Variants in KLHL28 observed in about 807,000 individuals in gnomAD.
KLHL28 encodes the protein kelch-like protein 28.
In KLHL28, 22 loss-of-function variants were observed where a neutral mutation model predicts 48.3. The observed-to-expected ratio is 0.46, with a 90% CI of 0.33 to 0.65. The LOEUF (loss-of-function observed/expected upper bound fraction) is 0.65. KLHL28 is among the 30% of genes least tolerant of loss of function. The pLI is 0.03. For missense variants in KLHL28, 527 were observed against 704.3 expected (o/e 0.75, Z 2.85); for synonymous variants, 243 against 242.4 (o/e 1.00, Z -0.02).
chr14:44,945,580 T>C lies in KLHL28; in HGVS notation c.349A>G (p.Ile117Val). 6.2e-7 allele frequency: 1 copy of C among 1,614,208 alleles called. No individual in the cohort carries two copies. The highest frequency in any genetic ancestry group is 1.1e-5 in the South Asian group (1 of 91,084). Residue 117 changes from isoleucine to valine, a missense_variant, in exon 2 of 5, where the codon ATA becomes GTA. Ile to Val is a conservative substitution (Grantham distance 29). Coordinates refer to ENST00000396128, the MANE Select transcript of KLHL28 (RefSeq NM_017658.5). ...CAACATTCTTTCAGGACAAGTTTTA[T>C]CTGGAGTAGGTTTGCTGCTGGCAGG... Reference protein sequence around the residue: ...SLLPAANLLQIKLVLKECCAF... With the variant: ...SLLPAANLLQVKLVLKECCAF...
intron 1 of KLHL28, among the ~76,000 whole-genome samples, chr14:44,954,149 G>C (rs974240749): frequency 1.3e-5 from 2 of 152,178 alleles, no homozygotes; most frequent in African/African-American, 4.8e-5. Flanking sequence ...TGGTGAGGAT[G>C]TGAGAAACAG....
intron 2 of KLHL28, among the ~76,000 whole-genome samples, chr14:44,940,227 G>A (rs977896314): frequency 2.0e-5 from 3 of 152,180 alleles, no homozygotes; most frequent in African/African-American, 7.2e-5. Flanking sequence ...TGAGAGCAGA[G>A]CCCTCATGGC....
At chr14:44,941,169 A>C (rs1446327987) in intron 2 of KLHL28, among the ~76,000 whole-genome samples, 2 of 152,102 alleles carry the variant, frequency 1.3e-5, no homozygotes, top group African/African-American at 4.8e-5. Flanking sequence ...AACAAAATAA[A>C]ACCAAACAAA....
At position 44,945,465 on chromosome 14, in the gene KLHL28, GC is replaced by G; in HGVS notation, c.463del (p.Ala155GlnfsTer36). On this transcript the variant is annotated frameshift_variant, in exon 2 of 5. Coordinates refer to ENST00000396128, the MANE Select transcript of KLHL28 (RefSeq NM_017658.5). LOFTEE classifies it high-confidence loss of function. ...ATTCTGGCATATGTATTTAGTGGCT[GC>G]CAAATAAAGGTCACGGCAACCATAT... ...ETYGCRDLYL[A>X]ATKYICQNFE... 1 of 1,614,184 alleles carries G rather than the reference GC, an allele frequency of 6.2e-7. No individual in the cohort carries two copies. Among genetic ancestry groups the G allele is most frequent in the Non-Finnish European group, 8.5e-7 (1 of 1,180,020 alleles).
intron 1 of KLHL28, among the ~76,000 whole-genome samples, chr14:44,952,033 A>AT (rs1376027737): frequency 4.0e-5 from 6 of 151,658 alleles, no homozygotes; most frequent in South Asian, 4.2e-4. Flanking sequence ...TAGTTTTTGT[A>AT]TTTTTTTTGT....
At chr14:44,942,135 T>G (rs1256730069) in intron 2 of KLHL28, among the ~76,000 whole-genome samples, 2 of 152,180 alleles carry the variant, frequency 1.3e-5, no homozygotes, top group Non-Finnish European at 2.9e-5. Flanking sequence ...TCCAAAACTC[T>G]TCCCCTGAAA....
In KLHL28 at chr14:44,945,099, C is replaced by A; in HGVS notation, c.830G>T (p.Arg277Leu). The A allele has an allele frequency of 6.2e-7, 1 of 1,613,994 alleles. No individual in the cohort carries two copies. The highest frequency in any genetic ancestry group is 1.1e-5 in the South Asian group (1 of 91,062). ...RLSHQTVLMT[R>L]PRCAPKVLCA... ...AAGTACTTTGGGAGCACAGCGAGGT[C>A]GTGTCATCAAGACTGTCTGATGAGA... The change falls in exon 2 of 5, where the codon CGA becomes CTA. Residue 277 changes from arginine (R) to leucine (L), a missense_variant. Coordinates refer to ENST00000396128, the MANE Select transcript of KLHL28 (RefSeq NM_017658.5).
chr14:44,956,443 C>T lies in KLHL28; in HGVS notation c.-1+5403G>A, dbSNP rs967746617. 7.9e-5 allele frequency among the ~76,000 whole-genome samples: 12 copies of T among 152,162 alleles called. 1 individual carries two copies. Among genetic ancestry groups the T allele is most frequent in the Admixed American group, 2.6e-4 (4 of 15,274 alleles). The stretch of plus-strand genomic sequence containing the variant: ...AACATAACACCCATGAGTATTCTCA[C>T]GTCCCAACCCCAACACACACCAAAG... On this transcript the variant is annotated intron_variant, in intron 1 of 4. Transcript: ENST00000396128.
rs578098294 is a variant in KLHL28, at chr14:44,931,431, C to T, written c.1454G>A (p.Gly485Asp). The change falls in exon 4 of 5, where the codon GGT becomes GAT. Residue 485 changes from glycine (G) to aspartate (D), a missense_variant. Physicochemically the swap from Gly to Asp is moderately conservative, Grantham distance 94 (BLOSUM62 -1). Coordinates refer to ENST00000396128, the MANE Select transcript of KLHL28 (RefSeq NM_017658.5). ...GVMLGFIFVV[G>D]GHNGVSHLSS... is the part of the protein sequence containing the mutation. ...CAAATGTGAGACTCCATTATGTCCA[C>T]CCACCACAAAAATAAAGCCTAGCAT... 2 of 1,613,842 alleles carry T rather than the reference C, an allele frequency of 1.2e-6. No homozygotes were observed. The highest frequency in any genetic ancestry group is 2.2e-5 in the East Asian group (1 of 44,864).
At chr14:44,948,084 A>C (rs1884412730) in intron 1 of KLHL28, among the ~76,000 whole-genome samples, 1 of 152,198 alleles carries the variant, frequency 6.6e-6, no homozygotes, top group African/African-American at 2.4e-5. Flanking sequence ...TGAAAAAGTT[A>C]AAATCTAGAC....
intron 2 of KLHL28, among the ~76,000 whole-genome samples, chr14:44,942,810 T>A (rs1884158321): frequency 6.6e-6 from 1 of 152,192 alleles, no homozygotes; most frequent in Admixed American, 6.5e-5. Flanking sequence ...GGATAAATGG[T>A]TCTCTTTAAT....
At chr14:44,943,124 A>C (rs1884172275) in intron 2 of KLHL28, among the ~76,000 whole-genome samples, 1 of 152,216 alleles carries the variant, frequency 6.6e-6, no homozygotes, top group African/African-American at 2.4e-5. Context: ...AGGTCTTATT[A>C]TTCTTCAATA....
In KLHL28 at chr14:44,934,478, C is replaced by T. The variant is rs1883722496; in HGVS notation, c.980G>A (p.Cys327Tyr). 3.1e-6 allele frequency: 5 copies of T among 1,613,890 alleles called. No homozygotes were observed. The highest frequency in any genetic ancestry group is 4.2e-6 in the Non-Finnish European group (5 of 1,179,896). Reference protein sequence around the residue: ...LNIPRYEFGICVLDQKVYVIG... With the variant: ...LNIPRYEFGIYVLDQKVYVIG... Reference sequence around the variant, plus strand: ...AACATATACTTTTTGGTCTAAAACGCATATTCCAAATTCATAGCGAGGAAT... The same window carrying T: ...AACATATACTTTTTGGTCTAAAACGTATATTCCAAATTCATAGCGAGGAAT... The change falls in exon 3 of 5, where the codon TGC becomes TAC. Residue 327 changes from cysteine to tyrosine, a missense_variant. Cys to Tyr is a radical substitution (Grantham distance 194). Coordinates refer to ENST00000396128, the MANE Select transcript of KLHL28 (RefSeq NM_017658.5).
In KLHL28 at chr14:44,928,957, A is replaced by G; in HGVS notation, c.*71T>C. 7.0e-7 allele frequency: 1 copy of G among 1,425,112 alleles called. No individual in the cohort carries two copies. The highest frequency in any genetic ancestry group is 9.6e-7 in the Non-Finnish European group (1 of 1,036,446). 88.3% of individuals were successfully genotyped at this position (1,425,112 alleles called of 1,614,324 possible). A position where few individuals can be genotyped will look rare whatever the true frequency, so the allele number is the denominator to read the frequency against. On this transcript the variant is annotated 3_prime_UTR_variant, in exon 5 of 5. Coordinates refer to ENST00000396128, the MANE Select transcript of KLHL28 (RefSeq NM_017658.5). ...AAGCAATGCAGCTTGTGGGTTTCAG[A>G]AAACTGGGCCATCCGGATGTTCATG...
Position 44,945,551 on chromosome 14 carries a change from T to C in KLHL28, c.378A>G (p.Ala126=). ...CAGGATCAAGTTGGCTTTCAAGAAA[T>C]GCACAACATTCTTTCAGGACAAGTT... ...QIKLVLKECC[A]FLESQLDPGN... is the part of the protein sequence containing the mutation. Residue 126 remains alanine, a synonymous_variant, in exon 2 of 5, where the codon GCA becomes GCG. Coordinates refer to ENST00000396128, the MANE Select transcript of KLHL28 (RefSeq NM_017658.5). 1 of 1,614,184 alleles carries C rather than the reference T, an allele frequency of 6.2e-7. No individual in the cohort carries two copies. Among genetic ancestry groups the C allele is most frequent in the Non-Finnish European group, 8.5e-7 (1 of 1,180,034 alleles).
Position 44,942,700 on chromosome 14 carries a change from G to A in KLHL28, c.899+2330C>T, listed in dbSNP as rs537580598. 4.0e-5 allele frequency among the ~76,000 whole-genome samples: 6 copies of A among 151,890 alleles called. No homozygotes were observed. The South Asian group carries it at 8.3e-4, about 21-fold the overall frequency. ...GCCATTGTGTCTTTGTACATTCCTC[G>A]TGACCTTTCTTCTTTCTCTGCTTGA... On this transcript the variant is annotated intron_variant, in intron 2 of 4. Transcript: ENST00000396128.
rs1403768832 is a variant in KLHL28 at position 44,928,800 on chromosome 14, T to G, written c.*228A>C. The G allele has an allele frequency of 2.6e-6, 1 of 378,590 alleles. No homozygotes were observed. Among genetic ancestry groups the G allele is most frequent in the East Asian group, 4.4e-5 (1 of 22,496 alleles). 23.5% of individuals were successfully genotyped at this position (378,590 alleles called of 1,614,324 possible). ...GTGCAGAATTCAATTGGCAAAGTCTTTACTTTTTTTTTTTCTCTTTTTTCT... is the reference window on the plus strand; with the variant it reads ...GTGCAGAATTCAATTGGCAAAGTCTGTACTTTTTTTTTTTCTCTTTTTTCT... On this transcript the variant is annotated 3_prime_UTR_variant, in exon 5 of 5. Coordinates refer to ENST00000396128, the MANE Select transcript of KLHL28 (RefSeq NM_017658.5).
chr14:44,958,156 T>C (rs1425453629), intron 1 of KLHL28, among the ~76,000 whole-genome samples: 1 of 151,386 alleles, frequency 6.6e-6, no homozygotes, highest in Admixed American at 6.6e-5. Context: ...GAATAAAAAG[T>C]ATCCATTTGA....
chr14:44,951,585 C>G (rs1057393410), intron 1 of KLHL28, among the ~76,000 whole-genome samples: 2 of 152,138 alleles, frequency 1.3e-5, no homozygotes, highest in African/African-American at 4.8e-5. Flanking sequence ...TAGAAATTAT[C>G]AAAGTGTTTA....
Sources: allele counts gnomAD v4.1 joint callset (sites outside exome capture counted in the v4.1 genomes callset), GRCh38; gene constraint gnomAD v4.1.1; transcripts MANE v1.5; gene names NCBI Gene and HGNC (gene_info 2026-07-23, HGNC 2026-07-21).